Variants in PKNOX2 observed in about 807,000 individuals in gnomAD.
PKNOX2 encodes homeobox protein PKNOX2.
A neutral mutation model predicts 53.1 loss-of-function variants in PKNOX2; 14 were observed. That is an observed-to-expected ratio of 0.26 (90% confidence interval 0.17 to 0.41). The LOEUF (loss-of-function observed/expected upper bound fraction) is 0.41. PKNOX2 is among the 10% of genes least tolerant of loss of function. The pLI is 1.00. For synonymous variants in PKNOX2, 257 were observed against 242.8 expected (o/e 1.06, Z -0.54); for missense variants, 496 against 602.8 (o/e 0.82, Z 1.85).
chr11:125,165,714 T>C lies in PKNOX2; in HGVS notation c.-201+938T>C, dbSNP rs911472036. On this transcript the variant is annotated intron_variant, in intron 1 of 12. Transcript: ENST00000298282. The surrounding 1 kb of genome is among the most constrained non-coding windows in gnomAD (Gnocchi z 4.5). Reference sequence around the variant, plus strand: ...GCTTTCCATGATTGCTGGGGATCTTTGGTGAGGCGGGCGTAGGGGCCCGCG... The same window carrying C: ...GCTTTCCATGATTGCTGGGGATCTTCGGTGAGGCGGGCGTAGGGGCCCGCG... 3.3e-5 allele frequency among the ~76,000 whole-genome samples: 5 copies of C among 152,014 alleles called. No homozygotes were observed. Among genetic ancestry groups the C allele is most frequent in the Non-Finnish European group, 7.4e-5 (5 of 67,962 alleles).
chr11:125,207,355 A>T (rs1245020036), intron 1 of PKNOX2, among the ~76,000 whole-genome samples: 1 of 152,090 alleles, frequency 6.6e-6, no homozygotes, highest in Non-Finnish European at 1.5e-5. Context: ...CACACATTCA[A>T]GAATATGGCT....
At chr11:125,309,156 T>TTTCC (rs1203209834) in intron 2 of PKNOX2, among the ~76,000 whole-genome samples, 59 of 137,304 alleles carry the variant, frequency 4.3e-4, no homozygotes, top group Admixed American at 2.2e-3. Context: ...TCTTTCTTTC[T>TTTCC]TTCCTTCCTT....
rs527993778 is a variant in PKNOX2 at position 125,413,982 on chromosome 11, C to T, written c.936+2117C>T. On this transcript the variant is annotated intron_variant, in intron 10 of 12. Transcript: ENST00000298282. ...CTTTCCACTCCCCACTTGCAACTTACCCCTGGGAATCGTTAGCCTGAGACT... is the reference window on the plus strand; with the variant it reads ...CTTTCCACTCCCCACTTGCAACTTATCCCTGGGAATCGTTAGCCTGAGACT... Among the ~76,000 whole-genome samples the T allele has an allele frequency of 2.3e-3, 346 of 152,296 alleles. 3 individuals carry two copies. The highest frequency in any genetic ancestry group is 6.8e-3 in the Middle Eastern group (2 of 294).
intron 1 of PKNOX2, among the ~76,000 whole-genome samples, 151 bp downstream of exon 1, chr11:125,164,927 A>G (rs948706076): frequency 6.6e-6 from 1 of 151,326 alleles, no homozygotes; most frequent in African/African-American, 2.4e-5. Context: ...CAGGGCAAGG[A>G]GGAGAGAGGG....
At chr11:125,189,306 C>T (rs1236513614) in intron 1 of PKNOX2, among the ~76,000 whole-genome samples, 1 of 146,530 alleles carries the variant, frequency 6.8e-6, no homozygotes, top group African/African-American at 2.5e-5. Context: ...GCAGATGGCC[C>T]AGGGGATAGG....
chr11:125,250,823 G>A (rs1225029687), intron 2 of PKNOX2, among the ~76,000 whole-genome samples: 3 of 152,210 alleles, frequency 2.0e-5, no homozygotes, highest in Admixed American at 6.5e-5. Context: ...TCCCACAATG[G>A]GAAAACTTAG....
chr11:125,302,111 C>T (rs866325364), intron 2 of PKNOX2, among the ~76,000 whole-genome samples: 78 of 152,180 alleles, frequency 5.1e-4, no homozygotes, highest in Non-Finnish European at 1.9e-4. Context: ...GCTATGCTGC[C>T]TGGAGGAGGT....
At chr11:125,213,522 A>G (rs1940120034) in intron 1 of PKNOX2, among the ~76,000 whole-genome samples, 1 of 152,114 alleles carries the variant, frequency 6.6e-6, no homozygotes, top group South Asian at 2.1e-4. Context: ...ACAGTGCACA[A>G]TCAGGGCTCA....
intron 6 of PKNOX2, among the ~76,000 whole-genome samples, chr11:125,396,853 A>G (rs1041896588): frequency 1.3e-5 from 2 of 152,224 alleles, no homozygotes; most frequent in African/African-American, 2.4e-5. Context: ...CTCATAGTCT[A>G]GAAGAGAGGA....
At chr11:125,264,150 T>C (rs1187230920) in intron 2 of PKNOX2, among the ~76,000 whole-genome samples, 1 of 152,110 alleles carries the variant, frequency 6.6e-6, no homozygotes, top group Non-Finnish European at 1.5e-5. Context: ...GAGGTGAAGA[T>C]CCATTATGGG....
At position 125,356,522 on chromosome 11, in the gene PKNOX2, C is replaced by A. The variant is rs1384814297; in HGVS notation, c.87+5130C>A. Among the ~76,000 whole-genome samples the A allele has an allele frequency of 2.0e-5, 3 of 152,324 alleles. No individual in the cohort carries two copies. The South Asian group carries it at 6.2e-4, about 32-fold the overall frequency. On this transcript the variant is annotated intron_variant, in intron 4 of 12. Coordinates refer to ENST00000298282, the MANE Select transcript of PKNOX2 (RefSeq NM_001382323.2). ...TGCAAAAGCTGTGTCCCTCCCATTC[C>A]CCTCACCCCGATCCTCCAGCATCCC... is the stretch of plus-strand genomic sequence containing the variant.
intron 1 of PKNOX2, among the ~76,000 whole-genome samples, chr11:125,172,316 G>A (rs774145221): frequency 1.2e-4 from 19 of 152,170 alleles, no homozygotes; most frequent in Non-Finnish European, 2.2e-4. Flanking sequence ...TTCTCAATGG[G>A]TAGAACTTAG....
intron 1 of PKNOX2, among the ~76,000 whole-genome samples, chr11:125,231,895 T>G (rs1356106485): frequency 6.6e-6 from 1 of 152,220 alleles, no homozygotes; most frequent in Non-Finnish European, 1.5e-5. Context: ...TTGTCAACAC[T>G]ATCAGCCTTC....
At chr11:125,315,303 G>GA (rs534448203) in intron 2 of PKNOX2, among the ~76,000 whole-genome samples, 5,576 of 78,660 alleles carry the variant, frequency 0.071, 166 homozygotes, top group Middle Eastern at 0.092. Context: ...TGTGAAGCAG[G>GA]AAAAAAAAAA....
intron 3 of PKNOX2, among the ~76,000 whole-genome samples, chr11:125,342,687 G>A (rs77847086): frequency 0.1 from 15,186 of 151,962 alleles, 2,463 homozygotes; most frequent in African/African-American, 0.34. Context: ...CAGGTTTGTC[G>A]AGGGGGACTT....
At chr11:125,428,196 T>C (rs1161032888) in intron 10 of PKNOX2, among the ~76,000 whole-genome samples, 1 of 152,178 alleles carries the variant, frequency 6.6e-6, no homozygotes, top group Non-Finnish European at 1.5e-5. Context: ...GCGTAGTCAG[T>C]GCACGGGCTG....
intron 1 of PKNOX2, among the ~76,000 whole-genome samples, chr11:125,173,279 C>T (rs771829203): frequency 6.6e-6 from 1 of 152,160 alleles, no homozygotes; most frequent in African/African-American, 2.4e-5. Flanking sequence ...TCCTCTTAGC[C>T]TTGTGAAGCA....
chr11:125,246,136 G>A (rs1435896485), intron 2 of PKNOX2, among the ~76,000 whole-genome samples: 2 of 152,192 alleles, frequency 1.3e-5, no homozygotes, highest in Non-Finnish European at 2.9e-5. Flanking sequence ...GAATACCTGA[G>A]ATGGGATAAT....
chr11:125,387,971 A>C (rs1953763052), intron 6 of PKNOX2, among the ~76,000 whole-genome samples: 1 of 152,056 alleles, frequency 6.6e-6, no homozygotes, highest in Non-Finnish European at 1.5e-5. Context: ...ATACAAAATT[A>C]ATGAGATGGC....
Sources: allele counts gnomAD v4.1 joint callset (sites outside exome capture counted in the v4.1 genomes callset), GRCh38; gene constraint gnomAD v4.1.1; non-coding constraint Gnocchi (gnomAD v3.1); transcripts MANE v1.5; gene names NCBI Gene and HGNC (gene_info 2026-07-23, HGNC 2026-07-21).